Variants in AKR1C4 observed in about 807,000 individuals in gnomAD.
AKR1C4 encodes aldo-keto reductase family 1 member C4.
AKR1C4 carries 44 observed loss-of-function variants against 41.0 expected under a neutral mutation model. The observed-to-expected ratio is 1.07, with a 90% confidence interval of 0.84 to 1.38. The LOEUF (loss-of-function observed/expected upper bound fraction) is 1.38. Ranked by LOEUF, AKR1C4 falls within the 40% of genes most tolerant of loss-of-function variation. The probability of loss-of-function intolerance (pLI) is 0.00; values close to 1 mark genes in which losing one functional copy is unlikely to be tolerated. For synonymous variants in AKR1C4, 165 were observed against 137.7 expected (o/e 1.20, Z -1.39); for missense variants, 438 against 387.9 (o/e 1.13, Z -1.09).
At chr10:5,218,133 A>G (rs1476414686) in intron 8 of AKR1C4, among the ~76,000 whole-genome samples, 3 of 152,176 alleles carry the variant, frequency 2.0e-5, no homozygotes, top group Admixed American at 6.5e-5. Flanking sequence ...TATTCATTCT[A>G]TTTTGTGTGA....
At chr10:5,199,492 A>C (rs1588335112) in intron 1 of AKR1C4, among the ~76,000 whole-genome samples, 2 of 152,110 alleles carry the variant, frequency 1.3e-5, no homozygotes, top group East Asian at 3.9e-4. Context: ...CTGTGCCTAT[A>C]AAAACCCCAA....
chr10:5,197,661 G>T (rs1478760469), intron 1 of AKR1C4, among the ~76,000 whole-genome samples: 2 of 152,160 alleles, frequency 1.3e-5, no homozygotes, highest in Non-Finnish European at 2.9e-5. Context: ...ATTTTTTCTA[G>T]ACTGAGCTAT....
At chr10:5,217,522 G>T (rs1393392848) in intron 8 of AKR1C4, among the ~76,000 whole-genome samples, 4 of 152,214 alleles carry the variant, frequency 2.6e-5, no homozygotes, top group Non-Finnish European at 5.9e-5. Flanking sequence ...CATTCTGGGA[G>T]GCCAAGGCAG....
chr10:5,208,918 A>C (rs1832529634), intron 5 of AKR1C4, among the ~76,000 whole-genome samples: 1 of 149,760 alleles, frequency 6.7e-6, no homozygotes, highest in African/African-American at 2.5e-5. Flanking sequence ...CAAAAAAAAA[A>C]CATCCAATTG....
rs531165422 is a variant in AKR1C4, at chr10:5,205,767, C to T, written c.380C>T (p.Thr127Met). ...HFPMALKPGE[T>M]PLPKDENGKV... Reference sequence around the variant, plus strand: ...CTGCTTCTACTTCAGCCAGGTGAGACGCCACTACCAAAAGATGAAAATGGA... The same window carrying T: ...CTGCTTCTACTTCAGCCAGGTGAGATGCCACTACCAAAAGATGAAAATGGA... Residue 127 changes from threonine to methionine, a missense_variant, in exon 4 of 9, where the codon ACG (threonine) becomes ATG (methionine). Coordinates refer to ENST00000263126, the MANE Select transcript of AKR1C4 (RefSeq NM_001818.5). The T allele has an allele frequency of 6.0e-5, 96 of 1,612,948 alleles. No homozygotes were observed. The highest frequency in any genetic ancestry group is 5.5e-4 in the African/African-American group (41 of 74,948).
At chr10:5,198,046 T>TA (rs1256093150) in intron 1 of AKR1C4, among the ~76,000 whole-genome samples, 2 of 152,334 alleles carry the variant, frequency 1.3e-5, no homozygotes, top group South Asian at 2.1e-4. Flanking sequence ...TTTTGTCATT[T>TA]AAAAAATATA....
At chr10:5,199,595 C>A (rs1306806696) in intron 1 of AKR1C4, among the ~76,000 whole-genome samples, 1 of 152,088 alleles carries the variant, frequency 6.6e-6, no homozygotes, top group Non-Finnish European at 1.5e-5. Context: ...GAGAAATGCA[C>A]CGAAAGGCAC....
intron 5 of AKR1C4, chr10:5,207,643 T>G: frequency 8.6e-7 from 1 of 1,160,890 alleles, no homozygotes. Flanking sequence ...TCCTTGGCAT[T>G]TGCAGCCTAC....
intron 5 of AKR1C4, among the ~76,000 whole-genome samples, chr10:5,206,842 AG>A (rs1832496772): frequency 7.2e-6 from 1 of 138,930 alleles, no homozygotes; most frequent in African/African-American, 2.5e-5. Context: ...GGGTTTAAAT[AG>A]GGTTTAGATG....
chr10:5,207,079 TC>T (rs1816040812), intron 5 of AKR1C4: 1 of 154,298 alleles, frequency 6.5e-6, no homozygotes, highest in Admixed American at 6.5e-5. Context: ...AAAACGGGAG[TC>T]TTATAGCTGG....
intron 6 of AKR1C4, 99 bp downstream of exon 6, chr10:5,212,824 G>T (rs782740712): frequency 4.3e-5 from 62 of 1,427,174 alleles, no homozygotes; most frequent in Non-Finnish European, 5.7e-5. Flanking sequence ...CAATGGGTCA[G>T]GGTAAGGGGA....
Position 5,208,927 on chromosome 10 carries a change from T to A in AKR1C4, c.570+2530T>A, listed in dbSNP as rs551694619. Reference sequence around the variant, plus strand: ...CAAAAACAAAAAAAAAACATCCAATTGTGACTTTCAGTTTGTTGTACTTTG... The same window carrying A: ...CAAAAACAAAAAAAAAACATCCAATAGTGACTTTCAGTTTGTTGTACTTTG... On this transcript the variant is annotated intron_variant, in intron 5 of 8. Transcript: ENST00000263126. 6.3e-4 allele frequency among the ~76,000 whole-genome samples: 96 copies of A among 151,706 alleles called. 6 individuals carry two copies. The highest frequency in any genetic ancestry group is 2.3e-3 in the African/African-American group (93 of 41,030).
At chr10:5,218,678 C>T (rs782742383) in intron 8 of AKR1C4, 40 bp from the exon 9 acceptor site, 123 of 1,503,334 alleles carry the variant, frequency 8.2e-5, no homozygotes, top group South Asian at 3.1e-4. Flanking sequence ...TTAATAGAGT[C>T]ATTTCATCCA....
intron 2 of AKR1C4, among the ~76,000 whole-genome samples, chr10:5,202,939 T>TTGTGTGTGTGTGTGTG (rs57414547): frequency 4.3e-5 from 6 of 139,270 alleles, no homozygotes; most frequent in African/African-American, 1.4e-4. Context: ...TAGTTTTCTT[T>TTGTGTGTGTGTGTGTG]TGTGTGTGTG....
chr10:5,206,386 G>A lies in AKR1C4; in HGVS notation c.559G>A (p.Val187Ile), dbSNP rs1832487553. The A allele has an allele frequency of 1.1e-5, 17 of 1,613,948 alleles. No homozygotes were observed. The highest frequency in any genetic ancestry group is 1.4e-5 in the Non-Finnish European group (17 of 1,179,958). ...CAAGCCAGGACTCAAGTACAAGCCT[G>A]TCTGCAACCAGGTGAGCACCCTCAG... ...LNKPGLKYKP[V>I]CNQVECHPYL... The change falls in exon 5 of 9, where the codon GTC (valine) becomes ATC (isoleucine). Residue 187 changes from valine (V) to isoleucine (I), a missense_variant. Physicochemically the swap from Val to Ile is conservative, Grantham distance 29. Transcript: ENST00000263126.
At chr10:5,207,187 TAA>T in intron 5 of AKR1C4, 1 of 187,912 alleles carries the variant, frequency 5.3e-6, no homozygotes. Context: ...GCTAACTGGC[TAA>T]ACTACTATCT....
chr10:5,210,253 A>C (rs1832551612), intron 5 of AKR1C4, among the ~76,000 whole-genome samples: 1 of 152,214 alleles, frequency 6.6e-6, no homozygotes, highest in Non-Finnish European at 1.5e-5. Flanking sequence ...TGCTGATGTA[A>C]GAGGTGGTTC....
chr10:5,206,151 T>C (rs1554797455), intron 4 of AKR1C4, 124 bp from the exon 5 acceptor site: 1 of 1,506,480 alleles, frequency 6.6e-7, no homozygotes, highest in African/African-American at 1.4e-5. Context: ...ATTTTTTCTC[T>C]TGAGAATCAC....
intron 5 of AKR1C4, among the ~76,000 whole-genome samples, chr10:5,209,595 G>A (rs1361931693): frequency 6.6e-6 from 1 of 152,136 alleles, no homozygotes; most frequent in African/African-American, 2.4e-5. Flanking sequence ...CAATATGGCT[G>A]AGGAGGTCTC....
Sources: gnomAD v4.1 joint callset for allele counts (sites outside exome capture counted in the v4.1 genomes callset) on GRCh38, gnomAD v4.1.1 for gene constraint, MANE v1.5 for transcripts, NCBI Gene and HGNC (gene_info 2026-07-23, HGNC 2026-07-21) for gene names.